PREX1: variants seen among roughly 807,000 people sequenced by gnomAD.
PREX1 encodes the protein phosphatidylinositol-3,4,5-trisphosphate dependent Rac exchange factor 1.
A neutral mutation model predicts 198.3 loss-of-function variants in PREX1; 41 were observed. The observed-to-expected ratio is 0.21, with a 90% CI of 0.16 to 0.27. The LOEUF (loss-of-function observed/expected upper bound fraction) is 0.27. Ranked by LOEUF, PREX1 falls within the 10% of genes least tolerant of loss-of-function variation. PREX1 has a pLI of 1.00. For missense variants in PREX1, 1,620 were observed against 2,200.7 expected (o/e 0.74, Z 5.28); for synonymous variants, 843 against 887.2 (o/e 0.95, Z 0.89).
At chr20:48,642,566 G>C in intron 27 of PREX1, 77 bp from the exon 28 acceptor site, 1 of 1,300,340 alleles carries the variant, frequency 7.7e-7, no homozygotes, top group Non-Finnish European at 1.1e-6. Flanking sequence ...TCCTAAGAGG[G>C]GGATACAGCT....
chr20:48,763,108 A>C (rs147366204), intron 1 of PREX1, among the ~76,000 whole-genome samples: 1 of 152,370 alleles, frequency 6.6e-6, no homozygotes, highest in Non-Finnish European at 1.5e-5. Context: ...CAAATGGGTA[A>C]ACTGTATGGT....
At chr20:48,647,452 C>T (rs1468710432) in intron 25 of PREX1, among the ~76,000 whole-genome samples, 5 of 136,640 alleles carry the variant, frequency 3.7e-5, no homozygotes, top group Non-Finnish European at 6.1e-5. Context: ...ACCCAGGAGG[C>T]GGAGGTTGCA....
the PREX1 span, among the ~76,000 whole-genome samples, chr20:48,847,298 T>C: frequency 2.0e-5 from 3 of 149,014 alleles, no homozygotes; most frequent in African/African-American, 7.5e-5. Context: ...AGGGGGCCTT[T>C]GAGAGTGCTC....
intron 1 of PREX1, among the ~76,000 whole-genome samples, chr20:48,775,589 C>T (rs890725563): frequency 6.6e-6 from 1 of 151,944 alleles, no homozygotes; most frequent in Non-Finnish European, 1.5e-5. Flanking sequence ...TGTGTCCCCA[C>T]CCAAATCTCA....
intron 1 of PREX1, among the ~76,000 whole-genome samples, chr20:48,822,905 CTG>C (rs1380296825): frequency 6.6e-6 from 1 of 152,166 alleles, no homozygotes; most frequent in African/African-American, 2.4e-5. Flanking sequence ...GCCTCAATGA[CTG>C]TGAAATCAAA....
the PREX1 span, among the ~76,000 whole-genome samples, chr20:48,868,584 C>G: frequency 1.8e-3 from 267 of 152,290 alleles, 1 homozygote; most frequent in Non-Finnish European, 3.0e-3. Context: ...CTGCCTCAGC[C>G]TCCCAAAGTA....
At chr20:48,849,694 T>G in the PREX1 span, among the ~76,000 whole-genome samples, 1 of 152,360 alleles carries the variant, frequency 6.6e-6, no homozygotes, top group East Asian at 1.9e-4. Flanking sequence ...TTCTGTGATA[T>G]GAATGTGCAA....
chr20:48,661,444 A>AAAAAAAAAATATATATAT (rs1555832820), intron 15 of PREX1, among the ~76,000 whole-genome samples: 1 of 49,598 alleles, frequency 2.0e-5, no homozygotes, highest in Non-Finnish European at 3.1e-5. Context: ...AAAAAAAAAA[A>AAAAAAAAAATATATATAT]ATATATATAT....
chr20:48,692,465 G>A (rs187981040), intron 8 of PREX1: 5 of 472,700 alleles, frequency 1.1e-5, no homozygotes, highest in Non-Finnish European at 1.9e-5. Flanking sequence ...TTGCAAGGAG[G>A]AAGGATTTGG....
At chr20:48,683,934 A>C (rs1316507714) in intron 10 of PREX1, among the ~76,000 whole-genome samples, 4 of 152,226 alleles carry the variant, frequency 2.6e-5, no homozygotes, top group East Asian at 1.9e-4. Flanking sequence ...TCAGGAAACC[A>C]GCGATCTGCC....
intron 29 of PREX1, among the ~76,000 whole-genome samples, chr20:48,640,863 G>A (rs1214004008): frequency 6.8e-6 from 1 of 146,796 alleles, no homozygotes; most frequent in African/African-American, 2.5e-5. Context: ...GGATGGGTAG[G>A]TGGGTAGATG....
intron 16 of PREX1, among the ~76,000 whole-genome samples, chr20:48,659,613 T>G (rs1170311423): frequency 6.6e-6 from 1 of 151,754 alleles, no homozygotes; most frequent in Non-Finnish European, 1.5e-5. Context: ...TGGGGGCTGC[T>G]GTGGGGTATG....
chr20:48,690,790 T>C (rs2089814884), intron 9 of PREX1, among the ~76,000 whole-genome samples, 157 bp downstream of exon 9: 1 of 152,148 alleles, frequency 6.6e-6, no homozygotes, highest in African/African-American at 2.4e-5. Context: ...CAAGTTGGAA[T>C]AGTCCCAGAG....
At chr20:48,813,259 G>T (rs1354942820) in intron 1 of PREX1, among the ~76,000 whole-genome samples, 1 of 152,228 alleles carries the variant, frequency 6.6e-6, no homozygotes, top group Non-Finnish European at 1.5e-5. Context: ...CCAAGAATCA[G>T]CTTCCCGAGG....
the PREX1 span, among the ~76,000 whole-genome samples, chr20:48,844,999 A>G: frequency 6.6e-6 from 1 of 152,218 alleles, no homozygotes; most frequent in African/African-American, 2.4e-5. Flanking sequence ...TGAATCAATT[A>G]TCTGCCACAT....
intron 39 of PREX1, among the ~76,000 whole-genome samples, chr20:48,627,343 C>T (rs1426154588): frequency 6.6e-6 from 1 of 151,116 alleles, no homozygotes; most frequent in African/African-American, 2.4e-5. Flanking sequence ...CACGGCACAC[C>T]TGGGGGCTCA....
chr20:48,760,539 G>A (rs1054447519), intron 1 of PREX1, among the ~76,000 whole-genome samples: 3 of 152,032 alleles, frequency 2.0e-5, no homozygotes, highest in Non-Finnish European at 2.9e-5. Context: ...CAAACAAAAA[G>A]GGGGGGAGGA....
chr20:48,844,296 C>T, the PREX1 span, among the ~76,000 whole-genome samples: 1 of 152,186 alleles, frequency 6.6e-6, no homozygotes, highest in African/African-American at 2.4e-5. Flanking sequence ...CCATGTTCTA[C>T]TGGCCTTCTC....
intron 15 of PREX1, among the ~76,000 whole-genome samples, chr20:48,664,426 G>A (rs985877692): frequency 6.6e-6 from 1 of 152,034 alleles, no homozygotes; most frequent in African/African-American, 2.4e-5. Context: ...TGATGACGGG[G>A]AGGAGCTATT....
Sources: gnomAD v4.1 joint callset for allele counts (sites outside exome capture counted in the v4.1 genomes callset) on GRCh38, gnomAD v4.1.1 for gene constraint, MANE v1.5 for transcripts, NCBI Gene and HGNC (gene_info 2026-07-23, HGNC 2026-07-21) for gene names.